ITGA9: variants seen among roughly 807,000 people sequenced by gnomAD.
The protein encoded by ITGA9 is integrin alpha-9.
Under a neutral mutation model 127.8 loss-of-function variants are expected in ITGA9, and 56 were observed. The ratio of observed to expected loss-of-function variants is 0.44; its 90% CI spans 0.35 to 0.55. The LOEUF (loss-of-function observed/expected upper bound fraction) is 0.55, where lower values mean the gene tolerates loss of function less well. ITGA9 is among the 20% of genes least tolerant of loss of function. The pLI is 0.00. For synonymous variants in ITGA9, 508 were observed against 514.5 expected, an observed-to-expected ratio of 0.99 and a Z score of 0.17; for missense variants, 1,196 against 1,347.1, an observed-to-expected ratio of 0.89 and a Z score of 1.76.
At chr3:37,663,696 T>C (rs1420780995) in intron 17 of ITGA9, among the ~76,000 whole-genome samples, 2 of 152,196 alleles carry the variant, frequency 1.3e-5, no homozygotes, top group African/African-American at 4.8e-5. Flanking sequence ...TCCTGTTTTA[T>C]GAAGGGAAAG....
chr3:37,598,004 G>C (rs904879293), intron 15 of ITGA9, among the ~76,000 whole-genome samples: 3 of 152,222 alleles, frequency 2.0e-5, no homozygotes, highest in Non-Finnish European at 4.4e-5. Context: ...CACAGAGGCA[G>C]ATGTAGATTT....
intron 15 of ITGA9, among the ~76,000 whole-genome samples, chr3:37,591,432 G>GC (rs1397597043): frequency 6.6e-6 from 1 of 152,114 alleles, no homozygotes; most frequent in African/African-American, 2.4e-5. Context: ...TGGACTGAGT[G>GC]CCCCCCTGGC....
At chr3:37,672,704 C>T (rs1700648690) in intron 17 of ITGA9, among the ~76,000 whole-genome samples, 1 of 152,100 alleles carries the variant, frequency 6.6e-6, no homozygotes, top group Admixed American at 6.5e-5. Context: ...AGGGCTGAGG[C>T]TGTAAACCAC....
chr3:37,587,659 G>A (rs1410608537), intron 15 of ITGA9, among the ~76,000 whole-genome samples: 2 of 152,012 alleles, frequency 1.3e-5, no homozygotes, highest in African/African-American at 4.8e-5. Context: ...TGCTAGGGGT[G>A]CAAAAATAAA....
chr3:37,669,395 C>T (rs542398283), intron 17 of ITGA9, among the ~76,000 whole-genome samples: 36 of 152,300 alleles, frequency 2.4e-4, no homozygotes, highest in Admixed American at 8.5e-4. Flanking sequence ...CCCCTGTGCC[C>T]ACAGCCTTGG....
chr3:37,554,376 G>A (rs1199744824), intron 15 of ITGA9, among the ~76,000 whole-genome samples: 3 of 151,986 alleles, frequency 2.0e-5, no homozygotes, highest in Admixed American at 6.5e-5. Flanking sequence ...GGAGACCAGT[G>A]TGGGCAAAGA....
intron 17 of ITGA9, among the ~76,000 whole-genome samples, chr3:37,675,290 A>C (rs142240342): frequency 6.6e-6 from 1 of 152,268 alleles, no homozygotes; most frequent in African/African-American, 2.4e-5. Flanking sequence ...CATGTGTTGC[A>C]CAGTTTCCCA....
intron 18 of ITGA9, among the ~76,000 whole-genome samples, chr3:37,699,504 A>G (rs926862152): frequency 2.0e-5 from 3 of 152,104 alleles, no homozygotes; most frequent in Non-Finnish European, 4.4e-5. Context: ...CACCATCACC[A>G]TTGGTTCCAT....
intron 17 of ITGA9, among the ~76,000 whole-genome samples, chr3:37,678,369 G>C (rs543727567): frequency 1.3e-5 from 2 of 152,200 alleles, no homozygotes; most frequent in Admixed American, 1.3e-4. Flanking sequence ...CATCCTAATA[G>C]TCATGAAGTG....
At chr3:37,499,035 C>T (rs1698761683) in intron 5 of ITGA9, among the ~76,000 whole-genome samples, 1 of 152,208 alleles carries the variant, frequency 6.6e-6, no homozygotes, top group South Asian at 2.1e-4. Context: ...AATATTTTGG[C>T]CTAAGGTGCC....
At chr3:37,640,775 G>A (rs1444991217) in intron 16 of ITGA9, among the ~76,000 whole-genome samples, 3 of 152,194 alleles carry the variant, frequency 2.0e-5, no homozygotes, top group Admixed American at 2.0e-4. Flanking sequence ...TGAGATCAGG[G>A]CCCTGGCCCA....
At position 37,687,994 on chromosome 3, in the gene ITGA9, C is replaced by T. The variant is rs556079433; in HGVS notation, c.2067+3979C>T. On this transcript the variant is annotated intron_variant, in intron 18 of 27. Transcript: ENST00000264741. ...CTCCAAGAGACTGTGTGTAACAAAC[C>T]TCACATCCACTTCACTCCAGGATGA... 3.3e-5 allele frequency among the ~76,000 whole-genome samples: 5 copies of T among 152,350 alleles called. No individual in the cohort carries two copies. The South Asian group carries it at 8.3e-4, about 25-fold the overall frequency.
At chr3:37,557,768 T>C (rs954871259) in intron 15 of ITGA9, among the ~76,000 whole-genome samples, 12 of 152,202 alleles carry the variant, frequency 7.9e-5, no homozygotes, top group African/African-American at 2.9e-4. Flanking sequence ...TAATATGTGA[T>C]TATATACAGA....
chr3:37,652,316 C>T (rs1700436852), intron 16 of ITGA9, among the ~76,000 whole-genome samples: 1 of 152,186 alleles, frequency 6.6e-6, no homozygotes, highest in East Asian at 1.9e-4. Flanking sequence ...GCCATCCTTA[C>T]ACCCACTTCC....
intron 17 of ITGA9, among the ~76,000 whole-genome samples, chr3:37,683,520 G>A (rs553762706): frequency 6.6e-6 from 1 of 152,328 alleles, no homozygotes; most frequent in South Asian, 2.1e-4. Flanking sequence ...AGTAGTGGCT[G>A]GCACATGGTA....
intron 18 of ITGA9, among the ~76,000 whole-genome samples, chr3:37,719,766 C>T (rs554457231): frequency 1.3e-5 from 2 of 152,296 alleles, no homozygotes; most frequent in African/African-American, 4.8e-5. Flanking sequence ...TGACACACTT[C>T]ACTACCCTCT....
chr3:37,778,584 C>G (rs551502426), intron 24 of ITGA9, among the ~76,000 whole-genome samples: 2 of 151,406 alleles, frequency 1.3e-5, no homozygotes, highest in South Asian at 2.1e-4. Flanking sequence ...TGCCACTGTA[C>G]TCCAGCCTGG....
At chr3:37,598,551 G>A (rs559745364) in intron 15 of ITGA9, among the ~76,000 whole-genome samples, 50 of 152,244 alleles carry the variant, frequency 3.3e-4, no homozygotes, top group African/African-American at 1.1e-3. Context: ...AGTCAGGGGG[G>A]TCAGGAAGAT....
At position 37,533,407 on chromosome 3, in the gene ITGA9, G is replaced by C. The variant is rs1434722232; in HGVS notation, c.1467G>C (p.Val489=). 6 of 1,614,178 alleles carry C rather than the reference G, an allele frequency of 3.7e-6. No individual in the cohort carries two copies. In the Admixed American group the frequency reaches 1.0e-4, roughly 27 times the overall value. The change falls in exon 14 of 28, where the codon GTG becomes GTC. Residue 489 remains valine, a synonymous_variant. Coordinates refer to ENST00000264741, the MANE Select transcript of ITGA9 (RefSeq NM_002207.3). ...APQCHDGQQP[V]NCLNVTTCFS... ...AGTGTCACGACGGACAGCAGCCTGT[G>C]AACTGCCTGAACGTCACCACCTGCT... is the stretch of plus-strand genomic sequence containing the variant.
Sources: allele counts gnomAD v4.1 joint callset (sites outside exome capture counted in the v4.1 genomes callset), GRCh38; gene constraint gnomAD v4.1.1; transcripts MANE v1.5; gene names NCBI Gene and HGNC (gene_info 2026-07-23, HGNC 2026-07-21).